The following FBXL17 variants were observed in gnomAD, a reference collection of about 807,000 sequenced individuals.
FBXL17 encodes the protein F-box and leucine rich repeat protein 17, also known as F-box/LRR-repeat protein 17.
A neutral mutation model predicts 66.2 loss-of-function variants in FBXL17; 22 were observed. The observed-to-expected ratio is 0.33, with a 90% CI of 0.24 to 0.47. The LOEUF (loss-of-function observed/expected upper bound fraction) is 0.47, where lower values mean the gene tolerates loss of function less well. Ranked by LOEUF, FBXL17 falls within the 20% of genes least tolerant of loss-of-function variation. FBXL17 has a pLI of 1.00. For synonymous variants in FBXL17, 474 were observed against 400.5 expected, an observed-to-expected ratio of 1.18 and a Z score of -2.19; for missense variants, 878 against 948.2, an observed-to-expected ratio of 0.93 and a Z score of 0.97.
At chr5:108,367,799 A>G in intron 2 of FBXL17, 32 bp downstream of exon 2, 1 of 1,533,724 alleles carries the variant, frequency 6.5e-7, no homozygotes. Context: ...TGAGTAGGTC[A>G]TATGAGTGTT....
intron 1 of FBXL17, among the ~76,000 whole-genome samples, chr5:108,376,071 C>T (rs1473246359): frequency 6.6e-6 from 1 of 152,158 alleles, no homozygotes; most frequent in African/African-American, 2.4e-5. Context: ...TGGACAAAAT[C>T]TAATACCCTT....
intron 4 of FBXL17, among the ~76,000 whole-genome samples, chr5:108,297,048 T>C (rs949165048): frequency 3.3e-5 from 5 of 151,508 alleles, no homozygotes; most frequent in African/African-American, 1.2e-4. Context: ...CTAGCATGCA[T>C]AGGTAACAAT....
intron 4 of FBXL17, among the ~76,000 whole-genome samples, chr5:108,273,269 G>C (rs1241011595): frequency 2.0e-5 from 3 of 151,924 alleles, no homozygotes; most frequent in Admixed American, 1.3e-4. Context: ...CAGCACACCA[G>C]CATGGCACAT....
At chr5:108,294,831 C>T (rs149921316) in intron 4 of FBXL17, among the ~76,000 whole-genome samples, 16 of 152,158 alleles carry the variant, frequency 1.1e-4, no homozygotes, top group African/African-American at 3.9e-4. Context: ...CTGCAATAAA[C>T]CTTGTTACAG....
chr5:107,936,962 A>T (rs1561329051), intron 7 of FBXL17, among the ~76,000 whole-genome samples: 1 of 151,476 alleles, frequency 6.6e-6, no homozygotes, highest in East Asian at 1.9e-4. Flanking sequence ...GTATAAAGAA[A>T]CTCAAAAAAG....
At chr5:108,118,792 A>G (rs1462886196) in intron 6 of FBXL17, among the ~76,000 whole-genome samples, 1 of 152,092 alleles carries the variant, frequency 6.6e-6, no homozygotes, top group Non-Finnish European at 1.5e-5. Context: ...GGCTTATGCT[A>G]TGTTCTGGAC....
intron 6 of FBXL17, among the ~76,000 whole-genome samples, chr5:108,101,477 G>A (rs979587377): frequency 2.0e-5 from 3 of 152,188 alleles, no homozygotes; most frequent in African/African-American, 7.2e-5. Flanking sequence ...GGAGGTCAAG[G>A]AAAACATGAA....
At chr5:108,296,943 T>C (rs1268391939) in intron 4 of FBXL17, among the ~76,000 whole-genome samples, 1 of 151,466 alleles carries the variant, frequency 6.6e-6, no homozygotes, top group Non-Finnish European at 1.5e-5. Flanking sequence ...AATTAGATAA[T>C]ATACTTTTTT....
intron 4 of FBXL17, chr5:108,299,713 TG>T: frequency 1.0e-6 from 1 of 984,502 alleles, no homozygotes; most frequent in African/African-American, 1.8e-5. Flanking sequence ...CAGTAATGCC[TG>T]GGTCCCTAGG....
At chr5:107,928,914 C>A (rs1425507922) in intron 7 of FBXL17, among the ~76,000 whole-genome samples, 1 of 151,982 alleles carries the variant, frequency 6.6e-6, no homozygotes, top group African/African-American at 2.4e-5. Context: ...TTTGCTAAAG[C>A]AGATTTTTTT....
intron 4 of FBXL17, among the ~76,000 whole-genome samples, chr5:108,272,922 T>C (rs2150140038): frequency 6.6e-6 from 1 of 152,228 alleles, no homozygotes; most frequent in African/African-American, 2.4e-5. Context: ...GATATTCACG[T>C]AGGTTCTTTT....
At chr5:108,291,566 G>A in intron 4 of FBXL17, among the ~76,000 whole-genome samples, 1 of 152,182 alleles carries the variant, frequency 6.6e-6, no homozygotes, top group East Asian at 1.9e-4. Flanking sequence ...TTTCTTAGAG[G>A]AATATTAACA....
intron 7 of FBXL17, among the ~76,000 whole-genome samples, chr5:107,958,786 T>A (rs2112622348): frequency 6.6e-6 from 1 of 152,356 alleles, no homozygotes; most frequent in African/African-American, 2.4e-5. Flanking sequence ...AGACCTGTGC[T>A]TTCTCAGAAA....
intron 7 of FBXL17, among the ~76,000 whole-genome samples, chr5:107,930,435 C>G (rs1750691207): frequency 6.6e-6 from 1 of 152,192 alleles, no homozygotes; most frequent in Non-Finnish European, 1.5e-5. Context: ...TCTGACAATC[C>G]TATGTAATGT....
intron 4 of FBXL17, among the ~76,000 whole-genome samples, chr5:108,272,810 G>A (rs1412521576): frequency 6.6e-6 from 1 of 152,084 alleles, no homozygotes; most frequent in Non-Finnish European, 1.5e-5. Flanking sequence ...TACAGCTACA[G>A]CAAAATGAAT....
chr5:108,146,965 A>G (rs1331141940), intron 6 of FBXL17, among the ~76,000 whole-genome samples: 2 of 152,222 alleles, frequency 1.3e-5, no homozygotes, highest in African/African-American at 4.8e-5. Context: ...TCAAGGAACT[A>G]GCAGATTCAA....
chr5:108,377,596 C>T (rs556244305), intron 1 of FBXL17, among the ~76,000 whole-genome samples: 1 of 152,294 alleles, frequency 6.6e-6, no homozygotes, highest in South Asian at 2.1e-4. Flanking sequence ...TAACAGTTTT[C>T]CTAAGAATAA....
At chr5:108,325,677 T>C (rs1270061384) in intron 4 of FBXL17, among the ~76,000 whole-genome samples, 1 of 152,138 alleles carries the variant, frequency 6.6e-6, no homozygotes, top group Non-Finnish European at 1.5e-5. Flanking sequence ...AAATACCCTA[T>C]TTGTCTGGAA....
At chr5:108,138,389 C>T (rs1390446084) in intron 6 of FBXL17, among the ~76,000 whole-genome samples, 5 of 152,254 alleles carry the variant, frequency 3.3e-5, no homozygotes, top group Non-Finnish European at 7.4e-5. Flanking sequence ...TTTTGCTTAT[C>T]AATAACGTTG....
Sources: gnomAD v4.1 joint callset for allele counts (sites outside exome capture counted in the v4.1 genomes callset) on GRCh38, gnomAD v4.1.1 for gene constraint, MANE v1.5 for transcripts, NCBI Gene and HGNC (gene_info 2026-07-23, HGNC 2026-07-21) for gene names.